Variants in ALK observed in about 807,000 individuals in gnomAD.
ALK encodes ALK tyrosine kinase receptor.
In ALK, 74 loss-of-function variants were observed where a neutral mutation model predicts 163.1. The ratio of observed to expected loss-of-function variants is 0.45; its 90% CI spans 0.38 to 0.55. The LOEUF is 0.55. Among genes scored for constraint, ALK ranks in the 20% least tolerant of loss-of-function variants. The pLI, the probability that ALK is intolerant of heterozygous loss-of-function variation, is 0.00. For synonymous variants in ALK, 960 were observed against 843.2 expected (o/e 1.14, Z -2.40); for missense variants, 2,063 against 2,105.3 (o/e 0.98, Z 0.39).
At position 29,329,485 on chromosome 2, in the gene ALK, C is replaced by A. The variant is rs530474395; in HGVS notation, c.1283-1004G>T. Among the ~76,000 whole-genome samples the A allele has an allele frequency of 1.4e-4, 21 of 152,288 alleles. No individual in the cohort carries two copies. The East Asian group carries it at 3.9e-3, about 28-fold the overall frequency. ...GTAGGGCTCACCTGGGTCAACACCC[C>A]GAGTGAGCCTGCCTTACTCTCTGCC... is the stretch of plus-strand genomic sequence containing the variant. On this transcript the variant is annotated intron_variant, in intron 5 of 28. Coordinates refer to ENST00000389048, the MANE Select transcript of ALK (RefSeq NM_004304.5).
At chr2:29,751,823 C>A (rs1445642263) in intron 1 of ALK, among the ~76,000 whole-genome samples, 1 of 152,170 alleles carries the variant, frequency 6.6e-6, no homozygotes, top group Non-Finnish European at 1.5e-5. Context: ...AGTATTCTGT[C>A]CTCTTGTTCA....
chr2:29,593,196 A>G (rs1026142392), intron 3 of ALK, among the ~76,000 whole-genome samples: 1 of 152,174 alleles, frequency 6.6e-6, no homozygotes, highest in Non-Finnish European at 1.5e-5. Context: ...GATGAAGCCA[A>G]CGTAACATTG....
intron 3 of ALK, among the ~76,000 whole-genome samples, chr2:29,589,409 A>G (rs1488167072): frequency 6.6e-6 from 1 of 152,180 alleles, no homozygotes; most frequent in East Asian, 1.9e-4. Flanking sequence ...AAAAATCTTC[A>G]CAACAACCCT....
At chr2:29,675,955 G>C (rs763887586) in intron 3 of ALK, among the ~76,000 whole-genome samples, 4 of 151,908 alleles carry the variant, frequency 2.6e-5, no homozygotes, top group African/African-American at 4.8e-5. Context: ...TGAACTTCTG[G>C]CATGAAGCAA....
Position 29,573,242 on chromosome 2 carries a change from C to T in ALK, c.953-41126G>A, listed in dbSNP as rs537491888. ...CCATAAACACCTGATGGCTGATTACCTGTTGCTTGATGCAATTTCATGATA... is the reference window on the plus strand; with the variant it reads ...CCATAAACACCTGATGGCTGATTACTTGTTGCTTGATGCAATTTCATGATA... On this transcript the variant is annotated intron_variant, in intron 3 of 28. Transcript: ENST00000389048. Among the ~76,000 whole-genome samples the T allele has an allele frequency of 4.4e-4, 67 of 152,310 alleles. 1 individual carries two copies. The highest frequency in any genetic ancestry group is 2.5e-3 in the Admixed American group (39 of 15,300).
chr2:29,664,260 C>G (rs1677440042), intron 3 of ALK, among the ~76,000 whole-genome samples: 1 of 152,140 alleles, frequency 6.6e-6, no homozygotes, highest in African/African-American at 2.4e-5. Context: ...AGAAATTTTT[C>G]ATGGGATTAT....
chr2:29,736,934 T>C (rs533817886), intron 1 of ALK, among the ~76,000 whole-genome samples: 16 of 152,078 alleles, frequency 1.1e-4, no homozygotes, highest in Non-Finnish European at 2.1e-4. Flanking sequence ...TAACAGAGAA[T>C]GGGCACAAAT....
chr2:29,246,285 C>T lies in ALK; in HGVS notation c.2204+4820G>A, dbSNP rs75700642. 0.018 allele frequency among the ~76,000 whole-genome samples: 2,802 copies of T among 152,156 alleles called. 99 individuals carry two copies. The highest frequency in any genetic ancestry group is 0.064 in the African/African-American group (2,659 of 41,476). On this transcript the variant is annotated intron_variant, in intron 12 of 28. Transcript: ENST00000389048. The surrounding 1 kb of genome is among the most constrained non-coding windows in gnomAD (Gnocchi z 4.3). ...GGGGGCGGGCTGGGCTGAGTGCTGG[C>T]GCCTCTGCCTGTGGCAGGCCACCCG...
At chr2:29,666,460 C>T (rs897086505) in intron 3 of ALK, among the ~76,000 whole-genome samples, 3 of 152,128 alleles carry the variant, frequency 2.0e-5, no homozygotes, top group Non-Finnish European at 4.4e-5. Flanking sequence ...CTCCTCAAGG[C>T]TCTCATCTCC....
intron 11 of ALK, among the ~76,000 whole-genome samples, chr2:29,251,578 G>A (rs1047737068): frequency 5.3e-5 from 8 of 152,204 alleles, no homozygotes; most frequent in African/African-American, 1.7e-4. Context: ...CAAGCCACAG[G>A]AGGGCCCAGC....
intron 3 of ALK, among the ~76,000 whole-genome samples, chr2:29,619,974 G>T (rs1314408416): frequency 6.6e-6 from 1 of 152,230 alleles, no homozygotes; most frequent in Non-Finnish European, 1.5e-5. Flanking sequence ...GGGATGCCTA[G>T]GGAGAGTGAA....
At chr2:29,629,026 G>A (rs145800721) in intron 3 of ALK, among the ~76,000 whole-genome samples, 2 of 152,122 alleles carry the variant, frequency 1.3e-5, no homozygotes, top group Non-Finnish European at 2.9e-5. Flanking sequence ...GTGTTGGCAG[G>A]CAAAGCTATC....
intron 3 of ALK, among the ~76,000 whole-genome samples, chr2:29,556,037 T>C (rs972463880): frequency 2.0e-5 from 3 of 152,186 alleles, no homozygotes; most frequent in Non-Finnish European, 4.4e-5. Context: ...ATCCTGAGCA[T>C]CTGTATGCCC....
In ALK at chr2:29,531,198, G is replaced by A. The variant is rs951140524; in HGVS notation, c.1154+717C>T. 9.8e-5 allele frequency among the ~76,000 whole-genome samples: 15 copies of A among 152,322 alleles called. 1 individual carries two copies. In the South Asian group the frequency reaches 2.7e-3, roughly 27 times the overall value. On this transcript the variant is annotated intron_variant, in intron 4 of 28. Transcript: ENST00000389048. The stretch of plus-strand genomic sequence containing the variant: ...ACAAAGAAGGATCCTTGTTGCTAAA[G>A]TAATCAGATCTGGGGTCCCTCAACG...
chr2:29,670,912 T>C (rs1244217847), intron 3 of ALK, among the ~76,000 whole-genome samples: 1 of 152,100 alleles, frequency 6.6e-6, no homozygotes, highest in Non-Finnish European at 1.5e-5. Context: ...CTTTTCTGTG[T>C]TATCTTGGAG....
At chr2:29,609,347 T>A (rs1270541456) in intron 3 of ALK, among the ~76,000 whole-genome samples, 3 of 151,952 alleles carry the variant, frequency 2.0e-5, no homozygotes, top group African/African-American at 7.2e-5. Flanking sequence ...TGCCCTTCCA[T>A]GCTGAGAAGA....
intron 1 of ALK, among the ~76,000 whole-genome samples, chr2:29,787,682 A>C (rs527835170): frequency 6.6e-5 from 10 of 152,330 alleles, no homozygotes; most frequent in African/African-American, 2.4e-4. Context: ...TGTAGAGAGG[A>C]AGCAGTAAGT....
In ALK at chr2:29,310,237, G is replaced by C. The variant is rs1335529681; in HGVS notation, c.1647+8067C>G. 2.0e-5 allele frequency among the ~76,000 whole-genome samples: 3 copies of C among 152,118 alleles called. No homozygotes were observed. The East Asian group carries it at 5.8e-4, about 29-fold the overall frequency. ...GAATCATGACTCTGCCTCTAGCAGG[G>C]TGACTTTGGGCAGTCACTTAAACTC... On this transcript the variant is annotated intron_variant, in intron 8 of 28. Coordinates refer to ENST00000389048, the MANE Select transcript of ALK (RefSeq NM_004304.5).
chr2:29,232,153 G>T, intron 15 of ALK, 151 bp downstream of exon 15: 2 of 1,137,792 alleles, frequency 1.8e-6, no homozygotes, highest in Non-Finnish European at 2.6e-6. Flanking sequence ...GGTGCTGCCT[G>T]CCCTCCCTCC....
Sources: gnomAD v4.1 joint callset for allele counts (sites outside exome capture counted in the v4.1 genomes callset) on GRCh38, gnomAD v4.1.1 for gene constraint, Gnocchi (gnomAD v3.1) non-coding constraint, MANE v1.5 for transcripts, NCBI Gene and HGNC (gene_info 2026-07-23, HGNC 2026-07-21) for gene names.